The following AUNIP variants were observed in gnomAD, a reference collection of about 807,000 sequenced individuals.
AUNIP encodes aurora kinase A- and ninein-interacting protein.
AUNIP carries 16 observed loss-of-function variants against 12.2 expected under a neutral mutation model. The observed-to-expected ratio is 1.31, with a 90% CI of 0.88 to 1.99. AUNIP has a LOEUF of 1.99. Among genes scored for constraint, AUNIP ranks in the 30% most tolerant of loss-of-function variants. The pLI, the probability that AUNIP is intolerant of heterozygous loss-of-function variation, is 0.00. For missense variants in AUNIP, 411 were observed against 419.1 expected, an observed-to-expected ratio of 0.98 and a Z score of 0.17; for synonymous variants, 142 against 154.8, an observed-to-expected ratio of 0.92 and a Z score of 0.61.
chr1:25,835,391 A>G lies in AUNIP; in HGVS notation c.676T>C (p.Leu226=). 1 of 1,614,212 alleles carries G rather than the reference A, an allele frequency of 6.2e-7. No individual in the cohort carries two copies. The highest frequency in any genetic ancestry group is 8.5e-7 in the Non-Finnish European group (1 of 1,180,040). ...TTTCTTTCCAATTTAGTCTTGCCTAAGGGCTGACAGCATTTGTCCCCAGGT... is the reference window on the plus strand; with the variant it reads ...TTTCTTTCCAATTTAGTCTTGCCTAGGGGCTGACAGCATTTGTCCCCAGGT... ...KLPGDKCCQP[L]GKTKLERKVS... The change falls in exon 3 of 3, where the codon TTA becomes CTA. Residue 226 remains leucine, a synonymous_variant. Transcript: ENST00000374298.
At position 25,837,810 on chromosome 1, in the gene AUNIP, A is replaced by C. The variant is rs577070488; in HGVS notation, c.79-256T>G. On this transcript the variant is annotated intron_variant, in intron 1 of 2. Transcript: ENST00000374298. ...CCCATGGAAATCAGGCTGACTAAAC[A>C]AACAGGATTTGTTAACAGGATGGCA... 2.6e-3 allele frequency among the ~76,000 whole-genome samples: 395 copies of C among 152,338 alleles called. 1 individual carries two copies. The highest frequency in any genetic ancestry group is 4.7e-3 in the Non-Finnish European group (321 of 68,022).
intron 1 of AUNIP, among the ~76,000 whole-genome samples, chr1:25,843,369 G>T (rs992418411): frequency 4.6e-5 from 7 of 150,754 alleles, no homozygotes; most frequent in Non-Finnish European, 4.4e-5. Flanking sequence ...ATTTCATAAG[G>T]CCACAGGTGC....
chr1:25,841,718 G>C (rs947980141), intron 1 of AUNIP, among the ~76,000 whole-genome samples: 2 of 152,014 alleles, frequency 1.3e-5, no homozygotes, highest in Non-Finnish European at 2.9e-5. Context: ...TAGAGACGGG[G>C]TTTCACTGTG....
In AUNIP at chr1:25,835,456, G is replaced by C. The variant is rs1373320435; in HGVS notation, c.611C>G (p.Ser204Cys). Residue 204 changes from serine to cysteine, a missense_variant, in exon 3 of 3, where the codon TCT becomes TGT. Ser to Cys is a moderately radical substitution (Grantham distance 112, BLOSUM62 -1). Coordinates refer to ENST00000374298, the MANE Select transcript of AUNIP (RefSeq NM_024037.3). ...SARKWEWLHE[S>C]KKNYQSMEKH... ...CTCCATACTCTGATAGTTCTTCTTA[G>C]ACTCATGAAGCCATTCCCATTTCCT... 3.1e-6 allele frequency: 5 copies of C among 1,614,062 alleles called. No individual in the cohort carries two copies. Among genetic ancestry groups the C allele is most frequent in the Non-Finnish European group, 4.2e-6 (5 of 1,180,040 alleles).
chr1:25,837,999 G>T (rs1010494784), intron 1 of AUNIP, among the ~76,000 whole-genome samples: 2 of 152,020 alleles, frequency 1.3e-5, no homozygotes, highest in Non-Finnish European at 2.9e-5. Flanking sequence ...CCAGCACTTT[G>T]GGAGGCTGAG....
Position 25,834,488 on chromosome 1 carries a change from A to G in AUNIP, c.*505T>C. On this transcript the variant is annotated 3_prime_UTR_variant, in exon 3 of 3. Transcript: ENST00000374298. ...AAAAATTAGCTGGGCGTGGTGGCGC[A>G]TGCCTGTAGTCCCTGCTATTCGGGA... 1.4e-6 allele frequency: 1 copy of G among 710,476 alleles called. No individual in the cohort carries two copies. The highest frequency in any genetic ancestry group is 1.7e-6 in the Non-Finnish European group (1 of 579,244). 44.0% of individuals were successfully genotyped at this position (710,476 alleles called of 1,614,324 possible).
intron 1 of AUNIP, among the ~76,000 whole-genome samples, chr1:25,840,229 T>C (rs2048339521): frequency 1.3e-5 from 2 of 150,354 alleles, no homozygotes; most frequent in Non-Finnish European, 3.0e-5. Context: ...ATAGAAGATA[T>C]AAAAAAAAAT....
At chr1:25,846,128 G>A (rs967359795) in intron 1 of AUNIP, among the ~76,000 whole-genome samples, 1 of 152,152 alleles carries the variant, frequency 6.6e-6, no homozygotes, top group Non-Finnish European at 1.5e-5. Flanking sequence ...CTCATAAAAG[G>A]GTGCTCCCAG....
chr1:25,858,451 T>G (rs2048480628), intron 1 of AUNIP, among the ~76,000 whole-genome samples: 1 of 152,190 alleles, frequency 6.6e-6, no homozygotes, highest in South Asian at 2.1e-4. Context: ...GTATGTAAAA[T>G]GGGTATCATT....
intron 1 of AUNIP, among the ~76,000 whole-genome samples, chr1:25,842,658 G>A (rs1446138559): frequency 6.6e-6 from 1 of 152,214 alleles, no homozygotes; most frequent in Non-Finnish European, 1.5e-5. Flanking sequence ...TCAAAGGACA[G>A]GATGACTCTC....
chr1:25,832,958 T>TA (rs2048266433), downstream of AUNIP: 1 of 152,230 alleles, frequency 6.6e-6, no homozygotes, highest in Non-Finnish European at 1.5e-5. Context: ...TGTGTCCATC[T>TA]CTTGAGTTGC....
At chr1:25,850,512 A>G (rs555865495) in intron 1 of AUNIP, among the ~76,000 whole-genome samples, 2 of 152,296 alleles carry the variant, frequency 1.3e-5, no homozygotes, top group South Asian at 2.1e-4. Flanking sequence ...CTGTAGATCA[A>G]TTGGGGCATA....
At chr1:25,844,293 G>A (rs549934572) in intron 1 of AUNIP, among the ~76,000 whole-genome samples, 1 of 152,244 alleles carries the variant, frequency 6.6e-6, no homozygotes, top group African/African-American at 2.4e-5. Flanking sequence ...TTTTAGTAGA[G>A]ACGAGGTTTC....
Position 25,834,502 on chromosome 1 carries a change from T to C in AUNIP, c.*491A>G, listed in dbSNP as rs2048282091. On this transcript the variant is annotated 3_prime_UTR_variant, in exon 3 of 3. Coordinates refer to ENST00000374298, the MANE Select transcript of AUNIP (RefSeq NM_024037.3). The stretch of plus-strand genomic sequence containing the variant: ...CGTGGTGGCGCATGCCTGTAGTCCC[T>C]GCTATTCGGGAGGCTGAGGCAGGAG... 1.2e-5 allele frequency: 9 copies of C among 734,332 alleles called. No individual in the cohort carries two copies. Among genetic ancestry groups the C allele is most frequent in the Admixed American group, 6.2e-5 (1 of 16,186 alleles). 45.5% of individuals were successfully genotyped at this position (734,332 alleles called of 1,614,324 possible).
intron 2 of AUNIP, 47 bp from the exon 3 acceptor site, chr1:25,835,893 C>G: frequency 6.3e-7 from 1 of 1,588,614 alleles, no homozygotes. Flanking sequence ...AAAAACTGCC[C>G]TAAGCAGGAT....
rs1340386256 is a variant in AUNIP, at chr1:25,859,364, TGAG to T, written c.-10_-8del. On this transcript the variant is annotated 5_prime_UTR_variant, in exon 1 of 3. Coordinates refer to ENST00000374298, the MANE Select transcript of AUNIP (RefSeq NM_024037.3). ...CGGGGCCTGTCCGCCTCATGGCCGC[TGAG>T]GAGACGAAGCCGGCAGGACGCCGGC... is the stretch of plus-strand genomic sequence containing the variant. The T allele has an allele frequency of 1.6e-5, 24 of 1,519,582 alleles. No individual in the cohort carries two copies. Among genetic ancestry groups the T allele is most frequent in the Non-Finnish European group, 2.1e-5 (24 of 1,138,794 alleles). 94.1% of individuals were successfully genotyped at this position (1,519,582 alleles called of 1,614,324 possible).
In AUNIP at chr1:25,837,524, G is replaced by C. The variant is rs1238875591; in HGVS notation, c.109C>G (p.Leu37Val). 6.2e-7 allele frequency: 1 copy of C among 1,613,638 alleles called. No individual in the cohort carries two copies. The highest frequency in any genetic ancestry group is 2.2e-5 in the East Asian group (1 of 44,872). Residue 37 changes from leucine (L) to valine (V), a missense_variant, in exon 2 of 3, where the codon CTA becomes GTA. Transcript: ENST00000374298. ...TTTCTTTCTCCAGGAAGGAGTGTTA[G>C]CATTTTGGTGCCTGGTTTGATTAAA... ...THLIKPGTKM[L>V]TLLPGERKAN... is the part of the protein sequence containing the mutation.
chr1:25,844,898 G>A (rs1316904823), intron 1 of AUNIP, among the ~76,000 whole-genome samples: 2 of 152,074 alleles, frequency 1.3e-5, no homozygotes, highest in African/African-American at 4.8e-5. Context: ...AACCTTTCTA[G>A]TCAGCACTGT....
chr1:25,843,045 G>A (rs919179589), intron 1 of AUNIP, among the ~76,000 whole-genome samples: 1 of 151,662 alleles, frequency 6.6e-6, no homozygotes, highest in African/African-American at 2.4e-5. Context: ...GCAAGGTGTG[G>A]TGACATGCAC....
Sources: gnomAD v4.1 joint callset for allele counts (sites outside exome capture counted in the v4.1 genomes callset) on GRCh38, gnomAD v4.1.1 for gene constraint, MANE v1.5 for transcripts, NCBI Gene and HGNC (gene_info 2026-07-23, HGNC 2026-07-21) for gene names.